AKAP9: variants seen among roughly 807,000 people sequenced by gnomAD.
AKAP9 encodes A-kinase anchoring protein 9.
Under a neutral mutation model 488.5 loss-of-function variants are expected in AKAP9, and 311 were observed. The observed-to-expected ratio is 0.64, with a 90% confidence interval of 0.58 to 0.70. The LOEUF (loss-of-function observed/expected upper bound fraction) is 0.70, where lower values mean the gene tolerates loss of function less well. Ranked by LOEUF, AKAP9 falls within the 30% of genes least tolerant of loss-of-function variation. AKAP9 has a pLI of 0.00. For missense variants in AKAP9, 4,215 were observed against 4,374.5 expected (o/e 0.96, Z 1.03); for synonymous variants, 1,462 against 1,483.5 (o/e 0.99, Z 0.33).
chr7:92,050,147 C>T (rs1563050267), intron 21 of AKAP9, among the ~76,000 whole-genome samples: 1 of 151,860 alleles, frequency 6.6e-6, no homozygotes, highest in Non-Finnish European at 1.5e-5. Flanking sequence ...TCACTGCAAC[C>T]TCCACCTCCT....
Position 92,083,340 on chromosome 7 carries a change from C to T in AKAP9, c.8331C>T (p.Ser2777=). The T allele has an allele frequency of 6.2e-7, 1 of 1,614,056 alleles. No homozygotes were observed. The highest frequency in any genetic ancestry group is 8.5e-7 in the Non-Finnish European group (1 of 1,179,992). ...FEPLPIKLSK[S]IASQTDGTLK... is the part of the protein sequence containing the mutation. ...CACTTCCTATAAAACTGAGTAAGAG[C>T]ATTGCATCCCAGACAGATGGGACTC... The change falls in exon 33 of 50, where the codon AGC becomes AGT. Residue 2777 remains serine, a synonymous_variant. Transcript: ENST00000356239.
At chr7:91,941,290 C>A in intron 1 of AKAP9, 143 bp downstream of exon 1, 5 of 683,724 alleles carry the variant, frequency 7.3e-6, no homozygotes, top group Non-Finnish European at 9.8e-6. Context: ...GTCTGCATCT[C>A]TCCTCGCCCT....
chr7:91,977,373 G>A (rs1482417891), intron 2 of AKAP9, among the ~76,000 whole-genome samples: 9 of 152,138 alleles, frequency 5.9e-5, no homozygotes, highest in Admixed American at 2.0e-4. Context: ...TGGCTAACAC[G>A]GTGAAACCCT....
intron 1 of AKAP9, among the ~76,000 whole-genome samples, chr7:91,951,919 C>T (rs1792304480): frequency 6.6e-6 from 1 of 152,088 alleles, no homozygotes. Context: ...TTGTCTCCCA[C>T]TTAACCTTTT....
rs117460085 is a variant in AKAP9 at position 91,941,646 on chromosome 7, C to T, written c.48+499C>T. ...CCTGTGACAGCTGTCTCAGCAGTGG[C>T]TTGTGTGTGCCACAAGTGCCAGCTG... On this transcript the variant is annotated intron_variant, in intron 1 of 49. Coordinates refer to ENST00000356239, the MANE Select transcript of AKAP9 (RefSeq NM_005751.5). Among the ~76,000 whole-genome samples the T allele has an allele frequency of 5.0e-3, 760 of 152,198 alleles. 6 individuals carry two copies. The highest frequency in any genetic ancestry group is 7.8e-3 in the Non-Finnish European group (531 of 68,010).
At chr7:92,004,890 T>C (rs952804723) in intron 8 of AKAP9, among the ~76,000 whole-genome samples, 3 of 152,244 alleles carry the variant, frequency 2.0e-5, no homozygotes, top group Admixed American at 6.5e-5. Context: ...ATCCCTGTCT[T>C]GTGCCAGTTT....
intron 38 of AKAP9, among the ~76,000 whole-genome samples, chr7:92,090,895 A>G (rs1815433278): frequency 6.6e-6 from 1 of 152,216 alleles, no homozygotes; most frequent in South Asian, 2.1e-4. Flanking sequence ...TACACTTAGT[A>G]GCAGTATATG....
intron 37 of AKAP9, among the ~76,000 whole-genome samples, chr7:92,089,068 G>A (rs1815082796): frequency 6.6e-6 from 1 of 152,084 alleles, no homozygotes; most frequent in Non-Finnish European, 1.5e-5. Context: ...TTTTTGCTGT[G>A]AAGTACATTT....
intron 3 of AKAP9, among the ~76,000 whole-genome samples, chr7:91,986,441 C>T (rs1043845998): frequency 6.6e-6 from 1 of 152,214 alleles, no homozygotes; most frequent in African/African-American, 2.4e-5. Context: ...AACCAGGTAC[C>T]TCAGTTGGAA....
At chr7:92,065,654 C>A (rs992737460) in intron 25 of AKAP9, among the ~76,000 whole-genome samples, 191 bp downstream of exon 25, 2 of 152,104 alleles carry the variant, frequency 1.3e-5, no homozygotes, top group Non-Finnish European at 2.9e-5. Context: ...TTGTGCAGCA[C>A]TCAGAATTAA....
chr7:92,084,777 GA>G (rs775250757), intron 34 of AKAP9, 41 bp from the exon 35 acceptor site: 5 of 1,574,722 alleles, frequency 3.2e-6, no homozygotes, highest in Non-Finnish European at 4.3e-6. Flanking sequence ...ACTGGGGTTT[GA>G]TTTTTTTTTT....
intron 16 of AKAP9, among the ~76,000 whole-genome samples, chr7:92,033,402 TAGA>T (rs1183126093): frequency 7.2e-5 from 11 of 151,994 alleles, no homozygotes; most frequent in African/African-American, 2.2e-4. Flanking sequence ...TCAGATATGA[TAGA>T]AGAAGACTGA....
chr7:92,096,695 A>G lies in AKAP9; in HGVS notation c.9736A>G (p.Lys3246Glu). The change falls in exon 41 of 50, where the codon AAG becomes GAG. Residue 3246 changes from lysine to glutamate, a missense_variant. Lys to Glu is a moderately conservative substitution (Grantham distance 56). This residue lies in a region of AKAP9 where 1,476 missense variants were observed against 1,477.4 expected (regional missense o/e 1.00). Transcript: ENST00000356239. ...ERDKEELEDL[K>E]FSLESQKQRN... The stretch of plus-strand genomic sequence containing the variant: ...TTTGATTTTCTCGTACCAGGATCTG[A>G]AGTTTTCACTTGAGAGTCAGAAACA... The G allele has an allele frequency of 6.2e-7, 1 of 1,614,086 alleles. No individual in the cohort carries two copies. Among genetic ancestry groups the G allele is most frequent in the Non-Finnish European group, 8.5e-7 (1 of 1,180,020 alleles).
rs1399283295 is a variant in AKAP9, at chr7:92,022,237, G to T, written c.3838-1G>T. 6.3e-7 allele frequency: 1 copy of T among 1,599,512 alleles called. No homozygotes were observed. Among genetic ancestry groups the T allele is most frequent in the Non-Finnish European group, 8.6e-7 (1 of 1,167,036 alleles). ...TGCTTTTATTCTGTGGTTTTCAATA[G>T]ATCTGGGGACAGCAGACAGATGGTA... On this transcript the variant is annotated splice_acceptor_variant, in intron 12 of 49. Coordinates refer to ENST00000356239, the MANE Select transcript of AKAP9 (RefSeq NM_005751.5). LOFTEE classifies it high-confidence loss of function.
intron 39 of AKAP9, among the ~76,000 whole-genome samples, chr7:92,093,836 A>ATTTAT: frequency 6.6e-6 from 1 of 151,876 alleles, no homozygotes; most frequent in Middle Eastern, 3.4e-3. Flanking sequence ...TTATTTATTT[A>ATTTAT]TTTATTTTAT....
chr7:92,022,698 C>T, intron 13 of AKAP9, 116 bp from the exon 14 acceptor site: 1 of 713,070 alleles, frequency 1.4e-6, no homozygotes, highest in Non-Finnish European at 2.3e-6. Flanking sequence ...GAGTTATTAC[C>T]ACTAAAAACA....
intron 7 of AKAP9, among the ~76,000 whole-genome samples, chr7:91,999,779 A>G (rs369243084): frequency 2.0e-5 from 3 of 152,316 alleles, no homozygotes; most frequent in East Asian, 3.9e-4. Flanking sequence ...CAAAGGCTGT[A>G]CTTGAATGGG....
chr7:92,045,174 G>A lies in AKAP9; in HGVS notation c.5329G>A (p.Ala1777Thr), dbSNP rs1468249924. 6.2e-7 allele frequency: 1 copy of A among 1,613,808 alleles called. No homozygotes were observed. The highest frequency in any genetic ancestry group is 1.3e-5 in the African/African-American group (1 of 74,918). ...CCTAATTTGGAGGTCAGAAGCAGAGGCATCTGTAAAGTCATGTGTCCATGA... is the reference window on the plus strand; with the variant it reads ...CCTAATTTGGAGGTCAGAAGCAGAGACATCTGTAAAGTCATGTGTCCATGA... ...ASLIWRSEAE[A>T]SVKSCVHEEH... The change falls in exon 21 of 50, where the codon GCA (alanine) becomes ACA (threonine). Residue 1777 changes from alanine (A) to threonine (T), a missense_variant. Transcript: ENST00000356239.
At chr7:92,074,706 T>C (rs1160200241) in intron 28 of AKAP9, among the ~76,000 whole-genome samples, 2 of 152,192 alleles carry the variant, frequency 1.3e-5, no homozygotes, top group Non-Finnish European at 2.9e-5. Context: ...GTTCATGTCC[T>C]TTGCAGGGAC....
Sources: gnomAD v4.1 joint callset for allele counts (sites outside exome capture counted in the v4.1 genomes callset) on GRCh38, gnomAD v4.1.1 for gene constraint, gnomAD v4.1.1 regional missense constraint, MANE v1.5 for transcripts, NCBI Gene and HGNC (gene_info 2026-07-23, HGNC 2026-07-21) for gene names.